The following LPIN3 variants were observed in gnomAD, a reference collection of about 807,000 sequenced individuals.
LPIN3 encodes lipin 3.
LPIN3 carries 82 observed loss-of-function variants against 94.7 expected under a neutral mutation model. The ratio of observed to expected loss-of-function variants is 0.87; its 90% CI spans 0.72 to 1.04. The LOEUF (loss-of-function observed/expected upper bound fraction) is 1.04, where lower values mean the gene tolerates loss of function less well. Among genes scored for constraint, LPIN3 ranks in the 50% least tolerant of loss-of-function variants. The probability of loss-of-function intolerance (pLI) is 0.00; values close to 1 mark genes in which losing one functional copy is unlikely to be tolerated. For missense variants in LPIN3, 996 were observed against 1,090.5 expected (o/e 0.91, Z 1.22); for synonymous variants, 418 against 443.3 (o/e 0.94, Z 0.72).
chr20:41,353,585 G>C (rs776250423), intron 11 of LPIN3, among the ~76,000 whole-genome samples: 1 of 152,186 alleles, frequency 6.6e-6, no homozygotes, highest in African/African-American at 2.4e-5. Context: ...ATGCCCAGAG[G>C]GGGAAAGGAA....
In LPIN3 at chr20:41,354,585, C is replaced by T. The variant is rs10427471; in HGVS notation, c.1528-60C>T. ...CATGCGTGGAGGGTCCCAAGAACAA[C>T]GTAAGGTAGGAGGTTTATGTGGTGC... On this transcript the variant is annotated intron_variant, in intron 11 of 19. Coordinates refer to ENST00000373257, the MANE Select transcript of LPIN3 (RefSeq NM_022896.3). 23,577 of 1,477,480 alleles carry T rather than the reference C, an allele frequency of 0.016. 1,906 individuals carry two copies. In the African/African-American group the frequency reaches 0.22, roughly 14 times the overall value. 91.5% of individuals were successfully genotyped at this position (1,477,480 alleles called of 1,614,324 possible).
chr20:41,352,991 G>T (rs2046082673), intron 11 of LPIN3, 124 bp downstream of exon 11: 1 of 1,065,040 alleles, frequency 9.4e-7, no homozygotes, highest in South Asian at 1.3e-5. Flanking sequence ...CTAGCTGGCT[G>T]CAAGACTCAC....
Position 41,350,092 on chromosome 20 carries a change from T to G in LPIN3, c.797T>G (p.Leu266Arg), listed in dbSNP as rs1462801310. The change falls in exon 7 of 20, where the codon CTT becomes CGT. Residue 266 changes from leucine to arginine, a missense_variant. Coordinates refer to ENST00000373257, the MANE Select transcript of LPIN3 (RefSeq NM_022896.3). Reference protein sequence around the residue: ...RAERPESSVVLEGRAGATSPP... With the variant: ...RAERPESSVVREGRAGATSPP... ...GAGCGGCCCGAGTCCTCAGTGGTCCTTGAAGGCAGAGCTGGGGCAACCTCT... is the reference window on the plus strand; with the variant it reads ...GAGCGGCCCGAGTCCTCAGTGGTCCGTGAAGGCAGAGCTGGGGCAACCTCT... 6.2e-7 allele frequency: 1 copy of G among 1,609,202 alleles called. No individual in the cohort carries two copies. The highest frequency in any genetic ancestry group is 1.3e-5 in the African/African-American group (1 of 75,000).
Position 41,348,850 on chromosome 20 carries a change from C to A in LPIN3, c.520C>A (p.Leu174Ile). Residue 174 changes from leucine (L) to isoleucine (I), a missense_variant, in exon 4 of 20, where the codon CTA (leucine) becomes ATA (isoleucine). Coordinates refer to ENST00000373257, the MANE Select transcript of LPIN3 (RefSeq NM_022896.3). ...ACTGGAGGCAGGCGCTGAGAGTGAG[C>A]TATCCCTGCCGGAAAAGCTGAGGCC... ...EELEAGAESE[L>I]SLPEKLRPEP... 6.2e-7 allele frequency: 1 copy of A among 1,607,562 alleles called. No homozygotes were observed. The highest frequency in any genetic ancestry group is 8.5e-7 in the Non-Finnish European group (1 of 1,177,042).
Position 41,348,782 on chromosome 20 carries a change from A to G in LPIN3, c.452A>G (p.Lys151Arg). The G allele has an allele frequency of 6.2e-7, 1 of 1,612,766 alleles. No homozygotes were observed. Among genetic ancestry groups the G allele is most frequent in the Non-Finnish European group, 8.5e-7 (1 of 1,179,532 alleles). ...AAGAGGCGTCGCAGGAGGAAACCCA[A>G]GCAGAAAGAGGATGCAGTGGCAACT... ...RRKRRRRRKP[K>R]QKEDAVATDS... Residue 151 changes from lysine to arginine, a missense_variant, in exon 4 of 20, where the codon AAG becomes AGG. By Grantham distance (26) the Lys-to-Arg change is conservative. Coordinates refer to ENST00000373257, the MANE Select transcript of LPIN3 (RefSeq NM_022896.3).
chr20:41,352,965 G>A, intron 11 of LPIN3, 98 bp downstream of exon 11: 1 of 1,367,026 alleles, frequency 7.3e-7, no homozygotes, highest in Non-Finnish European at 1.0e-6. Context: ...GCAGAGATGG[G>A]CCTGGGAGCC....
At chr20:41,351,569 A>G (rs1288792314) in intron 7 of LPIN3, among the ~76,000 whole-genome samples, 4 of 152,130 alleles carry the variant, frequency 2.6e-5, no homozygotes, top group Non-Finnish European at 5.9e-5. Flanking sequence ...TGCTGGGATT[A>G]CAGGTGTGAG....
At position 41,360,163 on chromosome 20, in the gene LPIN3, A is replaced by C. The variant is rs1287452383; in HGVS notation, c.*1297A>C. The C allele has an allele frequency of 1.3e-5, 2 of 152,666 alleles. No individual in the cohort carries two copies. The allele number at this position is 152,666 out of a possible 1,614,324, so 9.5% of individuals were successfully genotyped here. The stretch of plus-strand genomic sequence containing the variant: ...GGTGTCAAGAGTCTCTGGGAACTGC[A>C]TAGGCCTGAGGAACATGCATTTTCA... On this transcript the variant is annotated 3_prime_UTR_variant, in exon 20 of 20. Coordinates refer to ENST00000373257, the MANE Select transcript of LPIN3 (RefSeq NM_022896.3).
In LPIN3 at chr20:41,358,924, G is replaced by A; in HGVS notation, c.*58G>A. On this transcript the variant is annotated 3_prime_UTR_variant, in exon 20 of 20. Transcript: ENST00000373257. Reference sequence around the variant, plus strand: ...GGCCCAGGACTGGCTAGGTGTCCTGGGGTATAGGAGGGTGGGAATTGGAGT... The same window carrying A: ...GGCCCAGGACTGGCTAGGTGTCCTGAGGTATAGGAGGGTGGGAATTGGAGT... 1 of 1,579,706 alleles carries A rather than the reference G, an allele frequency of 6.3e-7. No homozygotes were observed. The highest frequency in any genetic ancestry group is 8.6e-7 in the Non-Finnish European group (1 of 1,162,780).
At chr20:41,353,387 CAAAG>C (rs1414208387) in intron 11 of LPIN3, among the ~76,000 whole-genome samples, 1 of 152,204 alleles carries the variant, frequency 6.6e-6, no homozygotes, top group African/African-American at 2.4e-5. Context: ...TCCCTGCTCT[CAAAG>C]GAAGACGAAG....
rs141857505 is a variant in LPIN3, at chr20:41,352,626, G to A, written c.1384G>A (p.Val462Ile). 57 of 1,614,176 alleles carry A rather than the reference G, an allele frequency of 3.5e-5. 1 individual carries two copies. The South Asian group carries it at 3.8e-4, about 11-fold the overall frequency. The part of the protein sequence containing the change: ...ISLEKFNQHS[V>I]SYQDLTKNPG... ...CCCAGAGAAATTCAACCAGCACAGC[G>A]TCTCTTACCAGGACCTCACCAAAAA... Residue 462 changes from valine to isoleucine, a missense_variant, in exon 10 of 20, where the codon GTC becomes ATC. Transcript: ENST00000373257.
At position 41,350,261 on chromosome 20, in the gene LPIN3, C is replaced by G. The variant is rs769218750; in HGVS notation, c.966C>G (p.His322Gln). ...CCACTCTAGTGGGTCCCCCTCTCCA[C>G]ACCCCAGAGACAGAGGAAAGCAAGA... ...EDPTLVGPPL[H>Q]TPETEESKTQ... Residue 322 changes from histidine to glutamine, a missense_variant, in exon 7 of 20, where the codon CAC (histidine) becomes CAG (glutamine). Transcript: ENST00000373257. The G allele has an allele frequency of 6.2e-7, 1 of 1,613,906 alleles. No homozygotes were observed. The highest frequency in any genetic ancestry group is 1.1e-5 in the South Asian group (1 of 91,076).
In LPIN3 at chr20:41,354,843, T is replaced by C. The variant is rs1055105239; in HGVS notation, c.1644T>C (p.Thr548=). Residue 548 remains threonine, a synonymous_variant, in exon 13 of 20, where the codon ACT becomes ACC. Coordinates refer to ENST00000373257, the MANE Select transcript of LPIN3 (RefSeq NM_022896.3). ...AGCGCAGTGCCCAGAAGGAGAAGAC[T>C]GCAGCCAAGGAGCAGCAGGGGTGAG... The part of the protein sequence containing the change: ...AEERSAQKEK[T]AAKEQQGEKT... The C allele has an allele frequency of 6.3e-7, 1 of 1,582,194 alleles. No homozygotes were observed. The highest frequency in any genetic ancestry group is 8.6e-7 in the Non-Finnish European group (1 of 1,163,832).
At chr20:41,348,544 G>T in intron 3 of LPIN3, 75 bp from the exon 4 acceptor site, 9 of 1,526,628 alleles carry the variant, frequency 5.9e-6, no homozygotes, top group East Asian at 2.3e-5. Flanking sequence ...CCCAGGCAAG[G>T]CTCAAGATGA....
intron 2 of LPIN3, 136 bp downstream of exon 2, chr20:41,346,131 G>A (rs947247362): frequency 3.6e-5 from 34 of 943,690 alleles, no homozygotes; most frequent in Non-Finnish European, 4.2e-5. Context: ...CCCTTCATTT[G>A]TACTTTCTTT....
intron 14 of LPIN3, among the ~76,000 whole-genome samples, chr20:41,356,327 C>G (rs1423410408): frequency 9.9e-5 from 15 of 152,182 alleles, no homozygotes; most frequent in Non-Finnish European, 1.5e-5. Flanking sequence ...CCCTTGGAAG[C>G]AACACTAAAA....
rs760478064 is a variant in LPIN3 at position 41,345,829 on chromosome 20, A to AGACGGTGTTTGG, written c.34_45dup (p.Phe12_Val15dup). ...ATGAACTACGTGGGGCAGCTGGCGG[A>AGACGGTGTTTGG]GACGGTGTTTGGGACGGTGAAGGAG... On this transcript the variant is annotated inframe_insertion, in exon 2 of 20. Transcript: ENST00000373257. 3.1e-6 allele frequency: 5 copies of AGACGGTGTTTGG among 1,613,392 alleles called. No homozygotes were observed. Among genetic ancestry groups the AGACGGTGTTTGG allele is most frequent in the Non-Finnish European group, 3.4e-6 (4 of 1,179,576 alleles).
chr20:41,350,430 C>G, intron 7 of LPIN3, 33 bp downstream of exon 7: 1 of 1,500,676 alleles, frequency 6.7e-7, no homozygotes, highest in Admixed American at 2.1e-5. Flanking sequence ...CACTGCCTCC[C>G]TGGCCTCGCT....
Position 41,349,936 on chromosome 20 carries a change from G to A in LPIN3, c.759+42G>A, listed in dbSNP as rs765623022. The stretch of plus-strand genomic sequence containing the variant: ...CAACCCCAGGCCCGGCCTTTCAGGG[G>A]CTCTGTGGCCCCCATGGGTCAGGGT... On this transcript the variant is annotated intron_variant, in intron 6 of 19. Coordinates refer to ENST00000373257, the MANE Select transcript of LPIN3 (RefSeq NM_022896.3). 7 of 1,585,466 alleles carry A rather than the reference G, an allele frequency of 4.4e-6. No individual in the cohort carries two copies. The Admixed American group carries it at 1.1e-4, about 24-fold the overall frequency.
Sources: gnomAD v4.1 joint callset for allele counts (sites outside exome capture counted in the v4.1 genomes callset) on GRCh38, gnomAD v4.1.1 for gene constraint, MANE v1.5 for transcripts, NCBI Gene and HGNC (gene_info 2026-07-23, HGNC 2026-07-21) for gene names.